Variants in SPI1 observed in about 807,000 individuals in gnomAD.
SPI1 encodes the protein Spi-1 proto-oncogene.
A neutral mutation model predicts 30.7 loss-of-function variants in SPI1; 3 were observed. The observed-to-expected ratio is 0.10, with a 90% confidence interval of 0.04 to 0.25. The LOEUF (loss-of-function observed/expected upper bound fraction) is 0.25, where lower values mean the gene tolerates loss of function less well. SPI1 is among the 10% of genes least tolerant of loss of function. SPI1 has a pLI of 1.00. For missense variants in SPI1, 261 were observed against 371.5 expected (o/e 0.70, Z 2.45); for synonymous variants, 169 against 157.1 (o/e 1.08, Z -0.56).
At chr11:47,369,321 T>C (rs1190433547) in intron 2 of SPI1, among the ~76,000 whole-genome samples, 1 of 152,158 alleles carries the variant, frequency 6.6e-6, no homozygotes, top group Non-Finnish European at 1.5e-5. Flanking sequence ...AAGTCTATCT[T>C]GAATCTGTCC....
intron 4 of SPI1, chr11:47,358,450 A>G (rs1326007637): frequency 1.6e-6 from 1 of 637,732 alleles, no homozygotes; most frequent in East Asian, 2.7e-5. Context: ...ACACACAAAC[A>G]TGGCCACACC....
At chr11:47,368,948 A>G (rs1486197443) in intron 2 of SPI1, among the ~76,000 whole-genome samples, 1 of 152,206 alleles carries the variant, frequency 6.6e-6, no homozygotes, top group Non-Finnish European at 1.5e-5. Flanking sequence ...TTTTACCACA[A>G]TTAAAAAGAG....
intron 4 of SPI1, 34 bp downstream of exon 4, chr11:47,358,810 G>C (rs371774981): frequency 6.5e-7 from 1 of 1,547,670 alleles, no homozygotes; most frequent in Non-Finnish European, 8.7e-7. Context: ...ACACGGCCAG[G>C]GTCGGGGCCA....
rs2095918371 is a variant in SPI1 at position 47,360,014 on chromosome 11, G to T, written c.169C>A (p.His57Asn). ...AAGCTCTCGAACTCGCTGTGCACGT[G>T]GTGGGGGTGGAAGTCCCAGTAATGG... ...SDHYWDFHPHHVHSEFESFAE... is the reference protein window; with the variant it reads ...SDHYWDFHPHNVHSEFESFAE... Residue 57 changes from histidine to asparagine, a missense_variant, in exon 3 of 5, where the codon CAC (histidine) becomes AAC (asparagine). By Grantham distance (68) the His-to-Asn change is moderately conservative (BLOSUM62 1). Transcript: ENST00000378538. The T allele has an allele frequency of 4.4e-5, 70 of 1,588,476 alleles. No individual in the cohort carries two copies. Among genetic ancestry groups the T allele is most frequent in the Non-Finnish European group, 5.6e-5 (65 of 1,165,852 alleles).
intron 4 of SPI1, chr11:47,358,242 A>G (rs745573553): frequency 5.3e-6 from 2 of 375,350 alleles, no homozygotes; most frequent in Non-Finnish European, 1.0e-5. Flanking sequence ...ATACACATTC[A>G]CACATATACA....
At chr11:47,367,987 T>TTGTGG (rs2095930827) in intron 2 of SPI1, among the ~76,000 whole-genome samples, 1 of 151,992 alleles carries the variant, frequency 6.6e-6, no homozygotes, top group Non-Finnish European at 1.5e-5. Context: ...TCTCTTGACC[T>TTGTGG]TGTGATCCGC....
chr11:47,369,043 C>G (rs529005540), intron 2 of SPI1, among the ~76,000 whole-genome samples: 3 of 152,130 alleles, frequency 2.0e-5, no homozygotes, highest in Admixed American at 6.6e-5. Flanking sequence ...GTCAGGACTT[C>G]AAGACCAGCC....
Position 47,374,859 on chromosome 11 carries a change from C to G in SPI1, c.142+774G>C, listed in dbSNP as rs2095940312. Among the ~76,000 whole-genome samples the G allele has an allele frequency of 1.3e-5, 2 of 152,262 alleles. No homozygotes were observed. Among genetic ancestry groups the G allele is most frequent in the Admixed American group, 1.3e-4 (2 of 15,290 alleles). The stretch of plus-strand genomic sequence containing the variant: ...GACAGTCAGACCCAGAAGGACTGGA[C>G]AGACAGAAGGACACCCTGGCCCAGG... On this transcript the variant is annotated intron_variant, in intron 2 of 4. Coordinates refer to ENST00000378538, the MANE Select transcript of SPI1 (RefSeq NM_003120.3). This position sits in a 1 kb window ranked among gnomAD's most constrained non-coding sequence, Gnocchi z 4.5.
In SPI1 at chr11:47,365,506, A is replaced by G. The variant is rs1236385456; in HGVS notation, c.143-5466T>C. ...GGAGGTGGCCACTACAGTATAATCT[A>G]TCTTTTGCATAGGAGGAATCTATGG... is the stretch of plus-strand genomic sequence containing the variant. On this transcript the variant is annotated intron_variant, in intron 2 of 4. Transcript: ENST00000378538. Among the ~76,000 whole-genome samples the G allele has an allele frequency of 2.6e-5, 4 of 152,194 alleles. No individual in the cohort carries two copies. In the East Asian group the frequency reaches 7.7e-4, roughly 29 times the overall value.
intron 2 of SPI1, among the ~76,000 whole-genome samples, chr11:47,364,818 T>C (rs2095926129): frequency 6.6e-6 from 1 of 152,124 alleles, no homozygotes; most frequent in East Asian, 1.9e-4. Context: ...CCTGTAAATG[T>C]GGGATCCTGC....
intron 2 of SPI1, among the ~76,000 whole-genome samples, chr11:47,363,083 A>G (rs1192264388): frequency 1.3e-5 from 2 of 152,202 alleles, no homozygotes; most frequent in Non-Finnish European, 2.9e-5. Context: ...CCATGTTGTC[A>G]CTGCAGTTGA....
chr11:47,359,018 G>C lies in SPI1; in HGVS notation c.331-12C>G. On this transcript the variant is annotated splice_polypyrimidine_tract_variant and intron_variant, in intron 3 of 4. Transcript: ENST00000378538. The surrounding 1 kb of genome is among the most constrained non-coding windows in gnomAD (Gnocchi z 5.1). ...GGCAGGTAGGAGACCTGGACGGTGG[G>C]GGAAGGAGATCAGAGTCAGGAAGGG... 6.6e-7 allele frequency: 1 copy of C among 1,520,572 alleles called. No homozygotes were observed. Among genetic ancestry groups the C allele is most frequent in the Non-Finnish European group, 8.8e-7 (1 of 1,136,722 alleles). 94.2% of individuals were successfully genotyped at this position (1,520,572 alleles called of 1,614,324 possible). A position where few individuals can be genotyped will look rare whatever the true frequency, so the allele number is the denominator to read the frequency against.
At chr11:47,356,021 C>G (rs781356535) in intron 4 of SPI1, among the ~76,000 whole-genome samples, 1 of 151,600 alleles carries the variant, frequency 6.6e-6, no homozygotes, top group African/African-American at 2.4e-5. Flanking sequence ...CACACACATG[C>G]TGTCACACAC....
chr11:47,377,798 A>C (rs2095944292), intron 1 of SPI1, among the ~76,000 whole-genome samples: 1 of 152,180 alleles, frequency 6.6e-6, no homozygotes, highest in African/African-American at 2.4e-5. Flanking sequence ...TTTGGTCAAC[A>C]ATCATGTCCT....
chr11:47,365,487 G>A (rs1205610543), intron 2 of SPI1, among the ~76,000 whole-genome samples: 2 of 152,100 alleles, frequency 1.3e-5, no homozygotes, highest in Non-Finnish European at 2.9e-5. Flanking sequence ...CTCAGGAGGT[G>A]GCCACTACAG....
At position 47,375,330 on chromosome 11, in the gene SPI1, TGCAAGTCTCCTA is replaced by T. The variant is rs1449542417; in HGVS notation, c.142+291_142+302del. On this transcript the variant is annotated intron_variant, in intron 2 of 4. Transcript: ENST00000378538. The surrounding 1 kb of genome is among the most constrained non-coding windows in gnomAD (Gnocchi z 4.2). ...TCCACCCAGCAGCCGTGTGACCTTGTGCAAGTCTCCTAGCACCCTAAGCCTGTTTCCTTGTTT... is the reference window on the plus strand; with the variant it reads ...TCCACCCAGCAGCCGTGTGACCTTGTGCACCCTAAGCCTGTTTCCTTGTTT... Among the ~76,000 whole-genome samples, 1 of 152,176 alleles carries T rather than the reference TGCAAGTCTCCTA, an allele frequency of 6.6e-6. No homozygotes were observed. The highest frequency in any genetic ancestry group is 1.5e-5 in the Non-Finnish European group (1 of 68,024).
In SPI1 at chr11:47,359,069, G is replaced by C; in HGVS notation, c.331-63C>G. 6.9e-7 allele frequency: 1 copy of C among 1,452,992 alleles called. No homozygotes were observed. The highest frequency in any genetic ancestry group is 1.4e-5 in the South Asian group (1 of 70,542). The allele number at this position is 1,452,992 out of a possible 1,614,324, so 90.0% of individuals were successfully genotyped here. ...CCAGCTTACAGCTCAGGGGGGCTGG[G>C]AGGGAGGTCAGCTGGGGAGAGAAGG... On this transcript the variant is annotated intron_variant, in intron 3 of 4. Coordinates refer to ENST00000378538, the MANE Select transcript of SPI1 (RefSeq NM_003120.3). The surrounding 1 kb of genome is among the most constrained non-coding windows in gnomAD (Gnocchi z 5.1).
In SPI1 at chr11:47,378,161, G is replaced by A. The variant is rs928147679; in HGVS notation, c.45+148C>T. ...AGGAAGCCAATGGCCCCCTCGCTGGGTCTCAGGCCAGGAGTTCCAGGGAGG... is the reference window on the plus strand; with the variant it reads ...AGGAAGCCAATGGCCCCCTCGCTGGATCTCAGGCCAGGAGTTCCAGGGAGG... On this transcript the variant is annotated intron_variant, in intron 1 of 4. Coordinates refer to ENST00000378538, the MANE Select transcript of SPI1 (RefSeq NM_003120.3). 19 of 855,702 alleles carry A rather than the reference G, an allele frequency of 2.2e-5. No individual in the cohort carries two copies. In the Admixed American group the frequency reaches 4.0e-4, roughly 18 times the overall value. 53.0% of individuals were successfully genotyped at this position (855,702 alleles called of 1,614,324 possible). A position where few individuals can be genotyped will look rare whatever the true frequency, so the allele number is the denominator to read the frequency against.
chr11:47,373,224 C>T (rs553968138), intron 2 of SPI1, among the ~76,000 whole-genome samples: 3 of 151,998 alleles, frequency 2.0e-5, no homozygotes, highest in South Asian at 2.1e-4. Flanking sequence ...TGGTGGCAGG[C>T]GCCTGTAATC....
Sources: allele counts gnomAD v4.1 joint callset (sites outside exome capture counted in the v4.1 genomes callset), GRCh38; gene constraint gnomAD v4.1.1; non-coding constraint Gnocchi (gnomAD v3.1); transcripts MANE v1.5; gene names NCBI Gene and HGNC (gene_info 2026-07-23, HGNC 2026-07-21).